The following ANKFN1 variants were observed in gnomAD, a reference collection of about 807,000 sequenced individuals.
ANKFN1 encodes the protein ankyrin repeat and fibronectin type III domain containing 1.
In ANKFN1, 74 loss-of-function variants were observed where a neutral mutation model predicts 108.7. That is an observed-to-expected ratio of 0.68 (90% CI 0.56 to 0.83). ANKFN1 has a LOEUF of 0.83. Ranked by LOEUF, ANKFN1 falls within the 40% of genes least tolerant of loss-of-function variation. The pLI, the probability that ANKFN1 is intolerant of heterozygous loss-of-function variation, is 0.00. For missense variants in ANKFN1, 1,505 were observed against 1,382.3 expected, an observed-to-expected ratio of 1.09 and a Z score of -1.41; for synonymous variants, 547 against 516.2, an observed-to-expected ratio of 1.06 and a Z score of -0.81.
intron 4 of ANKFN1, among the ~76,000 whole-genome samples, chr17:56,122,997 A>G (rs1906712560): frequency 6.6e-6 from 1 of 152,226 alleles, no homozygotes; most frequent in African/African-American, 2.4e-5. Flanking sequence ...TGAGCCTAAT[A>G]TTAATAGCAA....
chr17:56,355,560 T>C (rs2046354765), intron 6 of ANKFN1, among the ~76,000 whole-genome samples: 1 of 152,104 alleles, frequency 6.6e-6, no homozygotes, highest in Non-Finnish European at 1.5e-5. Context: ...TGGAGTACGA[T>C]GGGAAGGCAG....
chr17:56,095,529 T>A (rs1905518024), intron 4 of ANKFN1, among the ~76,000 whole-genome samples: 1 of 141,656 alleles, frequency 7.1e-6, no homozygotes, highest in Admixed American at 7.0e-5. Context: ...CTTGAACTCC[T>A]GGCCTCAAGC....
At chr17:56,299,440 G>T (rs1208807811) in intron 3 of ANKFN1, among the ~76,000 whole-genome samples, 1 of 152,072 alleles carries the variant, frequency 6.6e-6, no homozygotes, top group East Asian at 1.9e-4. Context: ...CCTACATAAA[G>T]CCTCCCCAAT....
intron 4 of ANKFN1, among the ~76,000 whole-genome samples, chr17:56,146,955 G>C (rs922634707): frequency 2.0e-5 from 3 of 152,008 alleles, no homozygotes; most frequent in African/African-American, 7.3e-5. Context: ...GCTTCCTCTT[G>C]AGTGCTTTGC....
rs533735578 is a variant in ANKFN1 at position 56,248,198 on chromosome 17, A to C, written c.53+20241A>C. 2.0e-5 allele frequency among the ~76,000 whole-genome samples: 3 copies of C among 152,290 alleles called. No individual in the cohort carries two copies. In the South Asian group the frequency reaches 6.2e-4, roughly 32 times the overall value. On this transcript the variant is annotated intron_variant, in intron 3 of 20. Transcript: ENST00000682825. ...ACAGATGGTCTTAGAGAAGTTAACA[A>C]GATCAAGTTAACACACTGGGTACTT... is the stretch of plus-strand genomic sequence containing the variant.
At chr17:56,103,094 A>T (rs1905679147) in intron 4 of ANKFN1, among the ~76,000 whole-genome samples, 1 of 152,218 alleles carries the variant, frequency 6.6e-6, no homozygotes, top group African/African-American at 2.4e-5. Context: ...GACTGTGTGC[A>T]TCTGGATATC....
chr17:56,359,728 G>C (rs9905645), intron 6 of ANKFN1, among the ~76,000 whole-genome samples: 8,994 of 152,146 alleles, frequency 0.059, 843 homozygotes, highest in African/African-American at 0.2. Context: ...GTTTGTGCTG[G>C]GACTGGTCAG....
Position 56,505,344 on chromosome 17 carries a change from G to A in ANKFN1, c.2645-5129G>A, listed in dbSNP as rs560535672. Among the ~76,000 whole-genome samples the A allele has an allele frequency of 4.6e-5, 7 of 152,288 alleles. No homozygotes were observed. The South Asian group carries it at 1.0e-3, about 23-fold the overall frequency. On this transcript the variant is annotated intron_variant, in intron 20 of 20. Coordinates refer to ENST00000682825, the MANE Select transcript of ANKFN1 (RefSeq NM_001370326.1). ...TTTCAGTTTCAATTCCACTCAACAT[G>A]CTTTACTGAGAGCCTTCTATGTACC...
At chr17:56,220,243 G>T (rs1915737842) in intron 2 of ANKFN1, among the ~76,000 whole-genome samples, 1 of 152,164 alleles carries the variant, frequency 6.6e-6, no homozygotes, top group Non-Finnish European at 1.5e-5. Context: ...CATAAATATT[G>T]AATTAATTAA....
chr17:56,313,105 A>G (rs1439885842), intron 3 of ANKFN1, among the ~76,000 whole-genome samples: 1 of 151,774 alleles, frequency 6.6e-6, no homozygotes, highest in Non-Finnish European at 1.5e-5. Context: ...ATGAGCTGAG[A>G]TCATGCCACT....
At chr17:56,490,552 T>C (rs957271536) in intron 18 of ANKFN1, among the ~76,000 whole-genome samples, 1 of 152,276 alleles carries the variant, frequency 6.6e-6, no homozygotes, top group African/African-American at 2.4e-5. Flanking sequence ...GTTTTCCTTA[T>C]GGAGAGATGT....
At chr17:56,174,492 C>A in intron 1 of ANKFN1, 1 of 846,732 alleles carries the variant, frequency 1.2e-6, no homozygotes, top group Non-Finnish European at 1.4e-6. Flanking sequence ...TGTGCTCCCC[C>A]TCCATGGAGT....
At chr17:56,046,570 C>T (rs1207820470) in intron 4 of ANKFN1, among the ~76,000 whole-genome samples, 3 of 151,924 alleles carry the variant, frequency 2.0e-5, no homozygotes, top group Admixed American at 6.6e-5. Context: ...CTTCTTCAGT[C>T]TTTAAAGTGG....
intron 4 of ANKFN1, among the ~76,000 whole-genome samples, chr17:56,101,760 G>GTCC (rs1331748188): frequency 1.5e-4 from 23 of 152,274 alleles, no homozygotes; most frequent in Admixed American, 2.0e-4. Context: ...AAATAAAACT[G>GTCC]ATCATTCAGA....
intron 4 of ANKFN1, among the ~76,000 whole-genome samples, chr17:56,099,426 C>G (rs983995383): frequency 6.6e-6 from 1 of 152,190 alleles, no homozygotes; most frequent in Non-Finnish European, 1.5e-5. Flanking sequence ...CCTTCTCATT[C>G]CACTCTAACT....
At chr17:56,255,290 G>C (rs1348347881) in intron 3 of ANKFN1, among the ~76,000 whole-genome samples, 1 of 152,188 alleles carries the variant, frequency 6.6e-6, no homozygotes, top group East Asian at 1.9e-4. Context: ...AGGGGATAGA[G>C]TCAGAAGTAA....
chr17:56,278,384 G>C (rs1003862315), intron 3 of ANKFN1, among the ~76,000 whole-genome samples: 2 of 152,190 alleles, frequency 1.3e-5, no homozygotes, highest in African/African-American at 4.8e-5. Context: ...TTAAGTACAT[G>C]TTTATTCCAT....
intron 1 of ANKFN1, among the ~76,000 whole-genome samples, chr17:56,164,606 A>T (rs994302650): frequency 5.3e-5 from 8 of 152,218 alleles, no homozygotes; most frequent in Non-Finnish European, 7.3e-5. Context: ...TAATATCAAC[A>T]ATCTGGAAGT....
intron 8 of ANKFN1, among the ~76,000 whole-genome samples, chr17:56,429,945 T>C (rs1475993667): frequency 6.6e-6 from 1 of 152,118 alleles, no homozygotes; most frequent in East Asian, 1.9e-4. Context: ...AAGTAGAGTA[T>C]ATAAATGCCA....
Sources: gnomAD v4.1 joint callset for allele counts (sites outside exome capture counted in the v4.1 genomes callset) on GRCh38, gnomAD v4.1.1 for gene constraint, MANE v1.5 for transcripts, NCBI Gene and HGNC (gene_info 2026-07-23, HGNC 2026-07-21) for gene names.